The following MTA3 variants were observed in gnomAD, a reference collection of about 807,000 sequenced individuals.
The protein encoded by MTA3 is metastasis associated 1 family member 3, also known as metastasis-associated protein MTA3.
A neutral mutation model predicts 83.5 loss-of-function variants in MTA3; 34 were observed. The observed-to-expected ratio is 0.41, with a 90% CI of 0.31 to 0.54. The LOEUF is 0.54. MTA3 is among the 20% of genes least tolerant of loss of function. The pLI, the probability that MTA3 is intolerant of heterozygous loss-of-function variation, is 0.33. For missense variants in MTA3, 761 were observed against 726.4 expected (o/e 1.05, Z -0.55); for synonymous variants, 303 against 252.7 (o/e 1.20, Z -1.89).
chr2:42,631,042 A>G (rs1365154675), intron 4 of MTA3, among the ~76,000 whole-genome samples: 2 of 152,176 alleles, frequency 1.3e-5, no homozygotes, highest in African/African-American at 4.8e-5. Flanking sequence ...ACTTACTTGG[A>G]ATCTTTAAAA....
intron 3 of MTA3, among the ~76,000 whole-genome samples, chr2:42,605,871 CGGTT>C (rs1683268282): frequency 8.4e-6 from 1 of 118,592 alleles, no homozygotes; most frequent in Non-Finnish European, 1.8e-5. Context: ...CTGGACGGGG[CGGTT>C]GGCCGGGCAG....
intron 7 of MTA3, among the ~76,000 whole-genome samples, chr2:42,657,756 C>T (rs1303092546): frequency 1.6e-4 from 18 of 112,438 alleles, no homozygotes; most frequent in Non-Finnish European, 2.3e-4. Flanking sequence ...AGTAAGACCT[C>T]ATCTCTTAAA....
At chr2:42,532,733 C>G (rs1400876187) in intron 2 of MTA3, 4 of 205,360 alleles carry the variant, frequency 1.9e-5, no homozygotes, top group Non-Finnish European at 3.8e-5. Context: ...TTTTACAATC[C>G]AGAGGTTTTT....
At chr2:42,746,625 T>C (rs891439675) in intron 16 of MTA3, among the ~76,000 whole-genome samples, 1 of 152,242 alleles carries the variant, frequency 6.6e-6, no homozygotes, top group African/African-American at 2.4e-5. Flanking sequence ...CTGCTGGCTA[T>C]AAATCAGGAA....
chr2:42,625,342 A>G (rs990193470), intron 4 of MTA3, among the ~76,000 whole-genome samples: 1 of 151,208 alleles, frequency 6.6e-6, no homozygotes, highest in African/African-American at 2.4e-5. Flanking sequence ...GTTTTCTCAT[A>G]TTTTCCATTT....
chr2:42,638,676 G>A (rs926399373), intron 4 of MTA3, among the ~76,000 whole-genome samples: 11 of 149,124 alleles, frequency 7.4e-5, no homozygotes, highest in African/African-American at 2.5e-4. Flanking sequence ...TGTCTTTTCA[G>A]TGTTGTTATG....
chr2:42,517,201 A>G (rs1675185523), intron 2 of MTA3, among the ~76,000 whole-genome samples: 1 of 152,056 alleles, frequency 6.6e-6, no homozygotes, highest in Non-Finnish European at 1.5e-5. Flanking sequence ...CGGCGGTTGC[A>G]GTGAGCCGAC....
At chr2:42,661,566 C>G (rs946387730) in intron 8 of MTA3, among the ~76,000 whole-genome samples, 1 of 142,128 alleles carries the variant, frequency 7.0e-6, no homozygotes, top group Non-Finnish European at 1.5e-5. Flanking sequence ...TATGTGGAAT[C>G]TAATAACTAC....
chr2:42,710,972 G>A (rs1666556885), intron 14 of MTA3, among the ~76,000 whole-genome samples: 1 of 151,998 alleles, frequency 6.6e-6, no homozygotes, highest in African/African-American at 2.4e-5. Context: ...CCAGCTGCTT[G>A]GAAGGCTGAG....
intron 4 of MTA3, among the ~76,000 whole-genome samples, chr2:42,627,309 C>G (rs531298546): frequency 6.6e-6 from 1 of 152,250 alleles, no homozygotes; most frequent in South Asian, 2.1e-4. Flanking sequence ...AACTCCTGGC[C>G]TCAAGTGATC....
chr2:42,553,722 C>G (rs1323602532), intron 2 of MTA3, among the ~76,000 whole-genome samples: 2 of 148,452 alleles, frequency 1.3e-5, no homozygotes, highest in African/African-American at 5.0e-5. Flanking sequence ...GCAACAAGAG[C>G]GAAACTCCAT....
Position 42,689,637 on chromosome 2 carries a change from C to T in MTA3, c.892-6128C>T, listed in dbSNP as rs539508021. Among the ~76,000 whole-genome samples, 54 of 152,086 alleles carry T rather than the reference C, an allele frequency of 3.6e-4. No homozygotes were observed. The East Asian group carries it at 0.01, about 28-fold the overall frequency. ...CTTCCAAAGGATTTGTCCCTTTTAT[C>T]TTAAGTTGTCTAGTTTACTATTATA... is the stretch of plus-strand genomic sequence containing the variant. On this transcript the variant is annotated intron_variant, in intron 9 of 16. Coordinates refer to ENST00000405094, the MANE Select transcript of MTA3 (RefSeq NM_001330442.2).
At chr2:42,571,947 CAA>C (rs1260024595) in intron 2 of MTA3, among the ~76,000 whole-genome samples, 1 of 99,016 alleles carries the variant, frequency 1.0e-5, no homozygotes. Flanking sequence ...AACTCCGTCT[CAA>C]AAAAAAAAAA....
At chr2:42,595,330 T>C (rs1681665269) in intron 3 of MTA3, among the ~76,000 whole-genome samples, 1 of 151,350 alleles carries the variant, frequency 6.6e-6, no homozygotes, top group Non-Finnish European at 1.5e-5. Context: ...CAGGATGGTC[T>C]CAATCTCCTG....
chr2:42,654,670 C>T (rs1015229027), intron 6 of MTA3, among the ~76,000 whole-genome samples: 22 of 152,256 alleles, frequency 1.4e-4, no homozygotes, highest in African/African-American at 3.9e-4. Flanking sequence ...GCTGGAATGC[C>T]GTGGTATGAT....
At chr2:42,606,360 G>A (rs1191964558) in intron 3 of MTA3, among the ~76,000 whole-genome samples, 9 of 144,372 alleles carry the variant, frequency 6.2e-5, no homozygotes, top group Admixed American at 1.4e-4. Context: ...GCTGCCGGGC[G>A]GAGGGGCTCC....
chr2:42,538,394 T>C (rs1676351822), intron 2 of MTA3, among the ~76,000 whole-genome samples: 1 of 151,896 alleles, frequency 6.6e-6, no homozygotes, highest in Non-Finnish European at 1.5e-5. Context: ...TTTTTTAGGA[T>C]AAAAAGTTTG....
intron 8 of MTA3, among the ~76,000 whole-genome samples, chr2:42,665,887 G>A (rs772141923): frequency 2.8e-4 from 43 of 152,176 alleles, no homozygotes; most frequent in Non-Finnish European, 3.4e-4. Flanking sequence ...CTAATGCCAG[G>A]TCTGGTTCTG....
intron 2 of MTA3, among the ~76,000 whole-genome samples, chr2:42,557,137 G>A (rs1419414647): frequency 6.6e-6 from 1 of 152,098 alleles, no homozygotes; most frequent in African/African-American, 2.4e-5. Flanking sequence ...CAGCTACTCG[G>A]GAGGCTGAGG....
Sources: allele counts gnomAD v4.1 joint callset (sites outside exome capture counted in the v4.1 genomes callset), GRCh38; gene constraint gnomAD v4.1.1; transcripts MANE v1.5; gene names NCBI Gene and HGNC (gene_info 2026-07-23, HGNC 2026-07-21).